Variants in KCNU1 observed in about 807,000 individuals in gnomAD.
KCNU1 encodes the protein potassium channel subfamily U member 1.
Under a neutral mutation model 126.8 loss-of-function variants are expected in KCNU1, and 93 were observed. The ratio of observed to expected loss-of-function variants is 0.73; its 90% CI spans 0.62 to 0.87. KCNU1 has a LOEUF of 0.87. Among genes scored for constraint, KCNU1 ranks in the 40% least tolerant of loss-of-function variants. The pLI, the probability that KCNU1 is intolerant of heterozygous loss-of-function variation, is 0.00. For synonymous variants in KCNU1, 523 were observed against 494.2 expected (o/e 1.06, Z -0.77); for missense variants, 1,330 against 1,367.1 (o/e 0.97, Z 0.43).
At chr8:36,812,319 G>A (rs567002079) in intron 7 of KCNU1, among the ~76,000 whole-genome samples, 4 of 150,138 alleles carry the variant, frequency 2.7e-5, no homozygotes, top group Admixed American at 2.7e-4. Context: ...GGTGGAGGTT[G>A]CAGTGGGCTG....
chr8:36,840,850 T>A (rs1804923836), intron 15 of KCNU1, 82 bp from the exon 16 acceptor site: 2 of 986,942 alleles, frequency 2.0e-6, no homozygotes, highest in Non-Finnish European at 3.3e-6. Context: ...GGTTTCCTCC[T>A]AGGCACAGAG....
At chr8:36,833,720 G>C (rs775422822) in intron 11 of KCNU1, 61 bp downstream of exon 11, 1 of 938,502 alleles carries the variant, frequency 1.1e-6, no homozygotes, top group Non-Finnish European at 1.7e-6. Flanking sequence ...TAAAATAATA[G>C]GATATATTGC....
chr8:36,893,947 CTT>C (rs768951739), intron 19 of KCNU1, among the ~76,000 whole-genome samples: 9 of 152,130 alleles, frequency 5.9e-5, no homozygotes, highest in Non-Finnish European at 1.0e-4. Flanking sequence ...AAGACCATCT[CTT>C]TGCAGCAACG....
chr8:36,815,874 C>A (rs1402524694), intron 9 of KCNU1, among the ~76,000 whole-genome samples, 187 bp downstream of exon 9: 1 of 152,082 alleles, frequency 6.6e-6, no homozygotes, highest in African/African-American at 2.4e-5. Flanking sequence ...GCTACTTGAC[C>A]CAAACCACTA....
At chr8:36,891,219 T>G (rs1371814384) in intron 19 of KCNU1, among the ~76,000 whole-genome samples, 1 of 151,996 alleles carries the variant, frequency 6.6e-6, no homozygotes, top group Admixed American at 6.6e-5. Context: ...TATTAGTGGT[T>G]GCCTTGGAGA....
Position 36,909,442 on chromosome 8 carries a change from G to T in KCNU1, c.2238G>T (p.Lys746Asn). 1 of 1,613,580 alleles carries T rather than the reference G, an allele frequency of 6.2e-7. No individual in the cohort carries two copies. The highest frequency in any genetic ancestry group is 8.5e-7 in the Non-Finnish European group (1 of 1,179,514). Reference sequence around the variant, plus strand: ...TGAGAGCCAGCAACTATACCAGGAAGGAGCTGAAGGACATAGTGTTCATTG... The same window carrying T: ...TGAGAGCCAGCAACTATACCAGGAATGAGCTGAAGGACATAGTGTTCATTG... ...MPLRASNYTRKELKDIVFIGS... is the reference protein window; with the variant it reads ...MPLRASNYTRNELKDIVFIGS... The change falls in exon 21 of 27, where the codon AAG (lysine) becomes AAT (asparagine). Residue 746 changes from lysine to asparagine, a missense_variant. By Grantham distance (94) the Lys-to-Asn change is moderately conservative. Around this residue, in one of 3 missense-constraint regions of KCNU1, gnomAD observed 1,054 missense variants for 1,053.9 expected, o/e 1.00. Coordinates refer to ENST00000399881, the MANE Select transcript of KCNU1 (RefSeq NM_001031836.3).
chr8:36,935,935 T>G lies in KCNU1; in HGVS notation c.*15T>G, dbSNP rs755241381. The stretch of plus-strand genomic sequence containing the variant: ...AGCCACTATAGACCTGCCCATATTC[T>G]TCACGTGCTCTTAACTTGCTGCTTA... On this transcript the variant is annotated 3_prime_UTR_variant, in exon 27 of 27. Coordinates refer to ENST00000399881, the MANE Select transcript of KCNU1 (RefSeq NM_001031836.3). The G allele has an allele frequency of 2.0e-6, 3 of 1,530,430 alleles. No homozygotes were observed. Among genetic ancestry groups the G allele is most frequent in the African/African-American group, 1.4e-5 (1 of 71,998 alleles). 94.8% of individuals were successfully genotyped at this position (1,530,430 alleles called of 1,614,324 possible). A position where few individuals can be genotyped will look rare whatever the true frequency, so the allele number is the denominator to read the frequency against.
chr8:36,892,467 C>T (rs990612854), intron 19 of KCNU1, among the ~76,000 whole-genome samples: 24 of 151,260 alleles, frequency 1.6e-4, no homozygotes, highest in African/African-American at 2.4e-4. Flanking sequence ...GGCTTCCTTC[C>T]GGACAGTTTC....
intron 1 of KCNU1, among the ~76,000 whole-genome samples, chr8:36,786,484 A>G (rs776889274): frequency 2.0e-5 from 3 of 152,258 alleles, no homozygotes; most frequent in Middle Eastern, 6.8e-3. Flanking sequence ...TGAGTAGAAA[A>G]ATTAAGTGAT....
chr8:36,915,700 T>C (rs1327164956), intron 22 of KCNU1, among the ~76,000 whole-genome samples: 2 of 152,222 alleles, frequency 1.3e-5, no homozygotes, highest in East Asian at 3.8e-4. Flanking sequence ...TCTGCCAGGA[T>C]GACTTTTCCT....
intron 6 of KCNU1, 53 bp from the exon 7 acceptor site, chr8:36,808,665 G>T: frequency 1.8e-6 from 2 of 1,089,200 alleles, no homozygotes; most frequent in Admixed American, 1.9e-5. Context: ...TGAGGTGTTT[G>T]TGTTGTTCTG....
chr8:36,914,435 C>A (rs1483778104), intron 22 of KCNU1, among the ~76,000 whole-genome samples: 1 of 152,178 alleles, frequency 6.6e-6, no homozygotes, highest in Non-Finnish European at 1.5e-5. Flanking sequence ...GTCAGCAGTA[C>A]CAAGGTGGAG....
intron 26 of KCNU1, among the ~76,000 whole-genome samples, chr8:36,933,909 A>C (rs1808777482): frequency 6.6e-6 from 1 of 152,120 alleles, no homozygotes; most frequent in Non-Finnish European, 1.5e-5. Flanking sequence ...AGATGGAAGA[A>C]ATAGTATCAG....
chr8:36,911,589 A>G (rs1585553374), intron 22 of KCNU1, among the ~76,000 whole-genome samples: 1 of 152,204 alleles, frequency 6.6e-6, no homozygotes, highest in African/African-American at 2.4e-5. Flanking sequence ...AGATGATTTC[A>G]GTATATGAAT....
At chr8:36,828,062 C>T (rs1366327930) in intron 10 of KCNU1, among the ~76,000 whole-genome samples, 1 of 151,994 alleles carries the variant, frequency 6.6e-6, no homozygotes, top group Non-Finnish European at 1.5e-5. Context: ...AATATTATCA[C>T]AGTCAAAGAT....
intron 7 of KCNU1, among the ~76,000 whole-genome samples, chr8:36,811,020 G>A (rs2130443910): frequency 6.6e-6 from 1 of 152,248 alleles, no homozygotes; most frequent in African/African-American, 2.4e-5. Context: ...GTGTATTACA[G>A]ACCTGAAAAC....
intron 25 of KCNU1, 52 bp from the exon 26 acceptor site, chr8:36,932,868 A>C (rs2117618962): frequency 9.7e-7 from 1 of 1,034,420 alleles, no homozygotes; most frequent in Non-Finnish European, 1.5e-6. Flanking sequence ...AGTGCTTATA[A>C]TTGCTTGATC....
chr8:36,837,868 C>T (rs911248750), intron 14 of KCNU1, among the ~76,000 whole-genome samples: 1 of 152,014 alleles, frequency 6.6e-6, no homozygotes, highest in Non-Finnish European at 1.5e-5. Flanking sequence ...GCCTTTCATA[C>T]ACGTGACTTC....
chr8:36,830,312 T>C (rs1263254563), intron 10 of KCNU1, among the ~76,000 whole-genome samples: 1 of 151,848 alleles, frequency 6.6e-6, no homozygotes, highest in African/African-American at 2.4e-5. Flanking sequence ...GCACCTTTAA[T>C]ATTTTTTCAT....
Sources: allele counts gnomAD v4.1 joint callset (sites outside exome capture counted in the v4.1 genomes callset), GRCh38; gene constraint gnomAD v4.1.1; regional missense constraint gnomAD v4.1.1; transcripts MANE v1.5; gene names NCBI Gene and HGNC (gene_info 2026-07-23, HGNC 2026-07-21).